CASS4: variants seen among roughly 807,000 people sequenced by gnomAD.
The protein encoded by CASS4 is cas scaffolding protein family member 4.
A neutral mutation model predicts 54.2 loss-of-function variants in CASS4; 22 were observed. That is an observed-to-expected ratio of 0.41 (90% CI 0.29 to 0.58). The LOEUF (loss-of-function observed/expected upper bound fraction) is 0.58. CASS4 is among the 20% of genes least tolerant of loss of function. CASS4 has a pLI of 0.36. For missense variants in CASS4, 854 were observed against 986.7 expected (o/e 0.87, Z 1.80); for synonymous variants, 409 against 391.5 (o/e 1.04, Z -0.53).
chr20:56,458,692 CGGAGG>C lies in CASS4; in HGVS notation c.2307_2311del (p.Glu770Ter). 6.2e-7 allele frequency: 1 copy of C among 1,612,294 alleles called. No individual in the cohort carries two copies. Among genetic ancestry groups the C allele is most frequent in the South Asian group, 1.1e-5 (1 of 90,900 alleles). ...CCTGCCGCGCTGGGGCACCTCCAGG[CGGAGG>C]CTGAGAAGCTGGAGCAACACACGCG... is the stretch of plus-strand genomic sequence containing the variant. On this transcript the variant is annotated frameshift_variant, in exon 6 of 6. Transcript: ENST00000679887. LOFTEE classifies it high-confidence loss of function.
At chr20:56,428,329 T>TG (rs1427406220) in intron 1 of CASS4, among the ~76,000 whole-genome samples, 1 of 152,130 alleles carries the variant, frequency 6.6e-6, no homozygotes, top group African/African-American at 2.4e-5. Flanking sequence ...CCTCAAACTG[T>TG]GGGGCAGCTT....
intron 1 of CASS4, among the ~76,000 whole-genome samples, chr20:56,435,314 A>AC (rs5842113): frequency 0.42 from 63,848 of 152,062 alleles, 15,824 homozygotes; most frequent in African/African-American, 0.69. Context: ...TATTTATGAA[A>AC]GTATGAACAA....
At chr20:56,428,926 GCCCC>G (rs1268494000) in intron 1 of CASS4, among the ~76,000 whole-genome samples, 1 of 140,204 alleles carries the variant, frequency 7.1e-6, no homozygotes, top group Admixed American at 6.9e-5. Flanking sequence ...CCCCCGACCT[GCCCC>G]CCAGCCCTGA....
At chr20:56,456,853 T>C (rs2146300975) in intron 5 of CASS4, among the ~76,000 whole-genome samples, 1 of 151,940 alleles carries the variant, frequency 6.6e-6, no homozygotes, top group Middle Eastern at 3.4e-3. Flanking sequence ...TAATTTTTGT[T>C]TTGTTTTGTT....
intron 3 of CASS4, among the ~76,000 whole-genome samples, chr20:56,449,631 CTAAT>C (rs1227991297): frequency 2.6e-5 from 4 of 151,458 alleles, no homozygotes; most frequent in African/African-American, 9.7e-5. Context: ...AATTATTAAA[CTAAT>C]TACACAGATA....
chr20:56,456,628 G>A, intron 5 of CASS4, among the ~76,000 whole-genome samples: 1 of 152,124 alleles, frequency 6.6e-6, no homozygotes, highest in East Asian at 1.9e-4. Context: ...TCCTGCCTCA[G>A]CCTCCCAAAG....
chr20:56,434,578 AG>A (rs1431888431), intron 1 of CASS4, among the ~76,000 whole-genome samples: 1 of 151,112 alleles, frequency 6.6e-6, no homozygotes, highest in Non-Finnish European at 1.5e-5. Flanking sequence ...CTGGGTCTAC[AG>A]GTGCACGCCA....
intron 2 of CASS4, among the ~76,000 whole-genome samples, chr20:56,444,369 G>T (rs938262759): frequency 6.6e-6 from 1 of 152,098 alleles, no homozygotes; most frequent in Non-Finnish European, 1.5e-5. Context: ...TCCTTGGGAC[G>T]CCAGTGGGAA....
At chr20:56,445,706 G>A (rs1453687538) in intron 2 of CASS4, among the ~76,000 whole-genome samples, 194 bp from the exon 3 acceptor site, 5 of 152,218 alleles carry the variant, frequency 3.3e-5, no homozygotes, top group African/African-American at 1.2e-4. Flanking sequence ...TGCGAGGAAG[G>A]CTGCCTCCAC....
chr20:56,455,267 G>A (rs146989197), intron 5 of CASS4, among the ~76,000 whole-genome samples: 1 of 152,190 alleles, frequency 6.6e-6, no homozygotes, highest in East Asian at 1.9e-4. Context: ...AAAAACAATG[G>A]GTCCATTTAA....
intron 3 of CASS4, among the ~76,000 whole-genome samples, chr20:56,449,502 C>T (rs1477410034): frequency 6.6e-6 from 1 of 151,986 alleles, no homozygotes; most frequent in Non-Finnish European, 1.5e-5. Flanking sequence ...AGGAGATATA[C>T]CTAATGTAAA....
Position 56,412,289 on chromosome 20 carries a change from GT to G in CASS4, c.-167del, listed in dbSNP as rs1248688689. On this transcript the variant is annotated 5_prime_UTR_variant, in exon 1 of 6. Coordinates refer to ENST00000679887, the MANE Select transcript of CASS4 (RefSeq NM_020356.4). The surrounding 1 kb of genome is among the most constrained non-coding windows in gnomAD (Gnocchi z 4.2). The stretch of plus-strand genomic sequence containing the variant: ...TTACTCTTATCGTGCTTTCCAGAAA[GT>G]TTGCCTGCTGGGAGAGTCTTTTTGA... 2.8e-6 allele frequency: 2 copies of G among 707,362 alleles called. No homozygotes were observed. The highest frequency in any genetic ancestry group is 3.6e-5 in the African/African-American group (2 of 55,418). 43.8% of individuals were successfully genotyped at this position (707,362 alleles called of 1,614,324 possible).
At position 56,420,766 on chromosome 20, in the gene CASS4, A is replaced by G. The variant is rs375221341; in HGVS notation, c.36+8272A>G. 3.9e-5 allele frequency among the ~76,000 whole-genome samples: 6 copies of G among 152,208 alleles called. 1 individual carries two copies. Among genetic ancestry groups the G allele is most frequent in the East Asian group, 1.9e-4 (1 of 5,178 alleles). On this transcript the variant is annotated intron_variant, in intron 1 of 5. Coordinates refer to ENST00000679887, the MANE Select transcript of CASS4 (RefSeq NM_020356.4). ...GCACAAGAGTCAGTAATCAATAACA[A>G]ACAACTCAAGGTGCTCCTTCCTTAC...
intron 1 of CASS4, among the ~76,000 whole-genome samples, chr20:56,418,892 G>T (rs939919852): frequency 2.0e-5 from 3 of 152,094 alleles, no homozygotes; most frequent in Non-Finnish European, 4.4e-5. Context: ...TTCTCCATAT[G>T]TAGTAAATAA....
At position 56,452,018 on chromosome 20, in the gene CASS4, A is replaced by G. The variant is rs762438061; in HGVS notation, c.842A>G (p.Asn281Ser). 48 of 1,614,054 alleles carry G rather than the reference A, an allele frequency of 3.0e-5. No homozygotes were observed. Among genetic ancestry groups the G allele is most frequent in the East Asian group, 4.5e-5 (2 of 44,888 alleles). ...CCCAGTTCCAGCTCCACTTTCTACAATCCTCCAAGTGGCAGATCCAGGTCC... is the reference window on the plus strand; with the variant it reads ...CCCAGTTCCAGCTCCACTTTCTACAGTCCTCCAAGTGGCAGATCCAGGTCC... ...ALPSSSSTFY[N>S]PPSGRSRSLT... Residue 281 changes from asparagine (N) to serine (S), a missense_variant, in exon 5 of 6, where the codon AAT becomes AGT. Physicochemically the swap from Asn to Ser is conservative, Grantham distance 46. Coordinates refer to ENST00000679887, the MANE Select transcript of CASS4 (RefSeq NM_020356.4).
chr20:56,425,055 T>C (rs1465970477), intron 1 of CASS4, among the ~76,000 whole-genome samples: 2 of 152,216 alleles, frequency 1.3e-5, no homozygotes, highest in Admixed American at 6.5e-5. Context: ...TGATACTGCA[T>C]ATCCTAACTT....
In CASS4 at chr20:56,453,041, A is replaced by G. The variant is rs373652454; in HGVS notation, c.1865A>G (p.His622Arg). The change falls in exon 5 of 6, where the codon CAC becomes CGC. Residue 622 changes from histidine to arginine, a missense_variant. Transcript: ENST00000679887. The part of the protein sequence containing the change: ...IQPPQRETES[H>R]QKSTPSTKQR... ...CCTCCCCAAAGAGAAACTGAATCACACCAAAAGAGTACCCCTTCCACTAAG... is the reference window on the plus strand; with the variant it reads ...CCTCCCCAAAGAGAAACTGAATCACGCCAAAAGAGTACCCCTTCCACTAAG... 10 of 1,614,148 alleles carry G rather than the reference A, an allele frequency of 6.2e-6. No individual in the cohort carries two copies. The South Asian group carries it at 8.8e-5, about 14-fold the overall frequency.
In CASS4 at chr20:56,458,963, C is replaced by T; in HGVS notation, c.*216C>T. 1 of 545,346 alleles carries T rather than the reference C, an allele frequency of 1.8e-6. No individual in the cohort carries two copies. The highest frequency in any genetic ancestry group is 3.3e-6 in the Non-Finnish European group (1 of 306,060). 33.8% of individuals were successfully genotyped at this position (545,346 alleles called of 1,614,324 possible). A position where few individuals can be genotyped will look rare whatever the true frequency, so the allele number is the denominator to read the frequency against. ...AAGAGAGTCAGGTATGAGGTAAAGA[C>T]CTTGTGAAGTTTAGCATATATGGAG... On this transcript the variant is annotated 3_prime_UTR_variant, in exon 6 of 6. Transcript: ENST00000679887.
rs529821062 is a variant in CASS4, at chr20:56,449,160, G to A, written c.562-1439G>A. Among the ~76,000 whole-genome samples, 11 of 152,158 alleles carry A rather than the reference G, an allele frequency of 7.2e-5. No individual in the cohort carries two copies. The East Asian group carries it at 9.6e-4, about 13-fold the overall frequency. On this transcript the variant is annotated intron_variant, in intron 3 of 5. Coordinates refer to ENST00000679887, the MANE Select transcript of CASS4 (RefSeq NM_020356.4). ...TGCTGCTATAAAGATACATGCACAC[G>A]TATGTTTATTGCGGCACTATTCACA...
Sources: allele counts gnomAD v4.1 joint callset (sites outside exome capture counted in the v4.1 genomes callset), GRCh38; gene constraint gnomAD v4.1.1; non-coding constraint Gnocchi (gnomAD v3.1); transcripts MANE v1.5; gene names NCBI Gene and HGNC (gene_info 2026-07-23, HGNC 2026-07-21).